Variants in TUSC3 observed in about 807,000 individuals in gnomAD.
TUSC3 encodes dolichyl-diphosphooligosaccharide--protein glycosyltransferase subunit TUSC3.
Under a neutral mutation model 44.8 loss-of-function variants are expected in TUSC3, and 45 were observed. That is an observed-to-expected ratio of 1.00 (90% CI 0.79 to 1.29). The LOEUF is 1.29. Ranked by LOEUF, TUSC3 falls within the 50% of genes most tolerant of loss-of-function variation. The pLI, the probability that TUSC3 is intolerant of heterozygous loss-of-function variation, is 0.00. For missense variants in TUSC3, 519 were observed against 437.9 expected (o/e 1.19, Z -1.65); for synonymous variants, 212 against 152.9 (o/e 1.39, Z -2.85).
intron 8 of TUSC3, 128 bp from the exon 9 acceptor site, chr8:15,748,247 T>G: frequency 2.7e-6 from 2 of 744,386 alleles, no homozygotes. Flanking sequence ...TACCTGTTTG[T>G]TGTACCTGTA....
chr8:15,553,339 CA>C (rs1802122124), intron 1 of TUSC3, among the ~76,000 whole-genome samples: 1 of 151,504 alleles, frequency 6.6e-6, no homozygotes, highest in Non-Finnish European at 1.5e-5. Context: ...TCAAAGATAC[CA>C]ATATTTTGGT....
At chr8:15,826,529 C>T in the TUSC3 span, among the ~76,000 whole-genome samples, 21,343 of 152,124 alleles carry the variant, frequency 0.14, 1,657 homozygotes, top group East Asian at 0.25. Context: ...CTGTGTTTTG[C>T]TGCACTCAAG....
rs776386983 is a variant in TUSC3 at position 15,650,694 on chromosome 8, C to G, written c.309-3C>G. ...TTCTACTATGGCCCATTATTCTTAT[C>G]AGGCAAGCTAATGAAGAATATCAAA... is the stretch of plus-strand genomic sequence containing the variant. On this transcript the variant is annotated splice_region_variant and splice_polypyrimidine_tract_variant and intron_variant, in intron 2 of 10. Coordinates refer to ENST00000503731, the MANE Select transcript of TUSC3 (RefSeq NM_006765.4). The G allele has an allele frequency of 4.3e-6, 7 of 1,611,446 alleles. No homozygotes were observed. The Admixed American group carries it at 1.0e-4, about 23-fold the overall frequency.
chr8:15,817,919 T>C, the TUSC3 span, among the ~76,000 whole-genome samples: 1 of 152,224 alleles, frequency 6.6e-6, no homozygotes, highest in East Asian at 1.9e-4. Context: ...CCCACAGACT[T>C]CAATGATCCC....
intron 5 of TUSC3, among the ~76,000 whole-genome samples, chr8:15,663,937 C>G (rs1242810454): frequency 3.3e-5 from 5 of 151,804 alleles, no homozygotes; most frequent in Non-Finnish European, 7.4e-5. Context: ...AATCTTGTCA[C>G]TATTTTAGTC....
the TUSC3 span, among the ~76,000 whole-genome samples, chr8:15,846,552 T>C: frequency 6.6e-6 from 1 of 152,148 alleles, no homozygotes; most frequent in Non-Finnish European, 1.5e-5. Context: ...TTCACGTCCT[T>C]TGCAGGGACA....
intron 1 of TUSC3, among the ~76,000 whole-genome samples, chr8:15,542,546 ATT>A (rs1292068706): frequency 2.6e-5 from 4 of 151,760 alleles, no homozygotes; most frequent in Non-Finnish European, 1.5e-5. Flanking sequence ...GGGTGCTTAC[ATT>A]TTTGTTTTTC....
intron 1 of TUSC3, among the ~76,000 whole-genome samples, chr8:15,581,692 C>T (rs62504229): frequency 0.4 from 56,959 of 142,204 alleles, 12,308 homozygotes; most frequent in African/African-American, 0.56. Flanking sequence ...TCTCCAGCTG[C>T]GTGCTGGGAG....
chr8:15,542,352 C>T (rs1290883964), intron 1 of TUSC3, among the ~76,000 whole-genome samples: 1 of 151,938 alleles, frequency 6.6e-6, no homozygotes, highest in Non-Finnish European at 1.5e-5. Context: ...TCTTATCAGA[C>T]CTAAGGTCTG....
chr8:15,595,125 A>G (rs546824581), intron 1 of TUSC3, among the ~76,000 whole-genome samples: 6 of 152,150 alleles, frequency 3.9e-5, no homozygotes, highest in Non-Finnish European at 7.3e-5. Flanking sequence ...TGTTATTCTC[A>G]AACTGCAAGT....
At chr8:15,600,076 C>T (rs888929387) in intron 1 of TUSC3, among the ~76,000 whole-genome samples, 3 of 151,552 alleles carry the variant, frequency 2.0e-5, no homozygotes, top group South Asian at 2.1e-4. Flanking sequence ...CTGCATTAGG[C>T]GGGACTTCTA....
chr8:15,792,954 T>C, the TUSC3 span, among the ~76,000 whole-genome samples: 3 of 152,088 alleles, frequency 2.0e-5, no homozygotes, highest in Admixed American at 2.0e-4. Flanking sequence ...TATCTCCTTT[T>C]CTCACCCTCT....
At chr8:15,534,626 G>T (rs898054702) in intron 2 of TUSC3, among the ~76,000 whole-genome samples, 3 of 144,162 alleles carry the variant, frequency 2.1e-5, no homozygotes, top group African/African-American at 7.7e-5. Context: ...CTAGGTGACA[G>T]AGCGAGACTC....
chr8:15,744,593 T>A (rs1811325447), intron 8 of TUSC3, among the ~76,000 whole-genome samples: 1 of 152,162 alleles, frequency 6.6e-6, no homozygotes, highest in African/African-American at 2.4e-5. Flanking sequence ...TCATAGTGCT[T>A]TCTAAATACT....
chr8:15,437,199 C>T (rs548830041), intron 1 of TUSC3, among the ~76,000 whole-genome samples: 16 of 152,192 alleles, frequency 1.1e-4, no homozygotes, highest in African/African-American at 3.6e-4. Context: ...AATTGTATTA[C>T]ATGAACAAAG....
At chr8:15,424,219 C>T (rs1055882641) in intron 1 of TUSC3, among the ~76,000 whole-genome samples, 1 of 151,700 alleles carries the variant, frequency 6.6e-6, no homozygotes, top group South Asian at 2.1e-4. Context: ...TATCTCTTGA[C>T]CTTGTGATCT....
In TUSC3 at chr8:15,638,944, A is replaced by ACTTTCTGTGT. The variant is rs1563147787; in HGVS notation, c.309-11753_309-11752insCTTTCTGTGT. On this transcript the variant is annotated intron_variant, in intron 2 of 10. Transcript: ENST00000503731. The stretch of plus-strand genomic sequence containing the variant: ...TGATGCTAGATCACGTGATGTTCAG[A>ACTTTCTGTGT]GCTTCAGTGATGATGATCATGTGTC... Among the ~76,000 whole-genome samples the ACTTTCTGTGT allele has an allele frequency of 5.0e-5, 6 of 119,496 alleles. No individual in the cohort carries two copies. In the East Asian group the frequency reaches 8.5e-4, roughly 17 times the overall value. 78.4% of individuals were successfully genotyped at this position (119,496 alleles called of 152,430 possible). A position where few individuals can be genotyped will look rare whatever the true frequency, so the allele number is the denominator to read the frequency against.
chr8:15,493,784 T>C (rs916913002), intron 2 of TUSC3, among the ~76,000 whole-genome samples: 1 of 152,190 alleles, frequency 6.6e-6, no homozygotes, highest in African/African-American at 2.4e-5. Context: ...TTACATTAAG[T>C]GTACGTCTGG....
intron 1 of TUSC3, among the ~76,000 whole-genome samples, chr8:15,589,155 A>T (rs1443513100): frequency 6.6e-6 from 1 of 152,096 alleles, no homozygotes; most frequent in Non-Finnish European, 1.5e-5. Flanking sequence ...GTTTCCATTT[A>T]CGTGGGATAT....
Sources: gnomAD v4.1 joint callset for allele counts (sites outside exome capture counted in the v4.1 genomes callset) on GRCh38, gnomAD v4.1.1 for gene constraint, MANE v1.5 for transcripts, NCBI Gene and HGNC (gene_info 2026-07-23, HGNC 2026-07-21) for gene names.